SLC2A9: variants seen among roughly 807,000 people sequenced by gnomAD.
SLC2A9 encodes solute carrier family 2, facilitated glucose transporter member 9.
In SLC2A9, 39 loss-of-function variants were observed where a neutral mutation model predicts 50.6. The observed-to-expected ratio is 0.77, with a 90% CI of 0.60 to 1.01. The LOEUF (loss-of-function observed/expected upper bound fraction) is 1.01, where lower values mean the gene tolerates loss of function less well. SLC2A9 is among the 50% of genes least tolerant of loss of function. The probability of loss-of-function intolerance (pLI) is 0.00; values close to 1 mark genes in which losing one functional copy is unlikely to be tolerated. For synonymous variants in SLC2A9, 324 were observed against 276.9 expected (o/e 1.17, Z -1.69); for missense variants, 686 against 677.6 (o/e 1.01, Z -0.14).
chr4:9,823,449 G>GT (rs546355384), downstream of SLC2A9, among the ~76,000 whole-genome samples: 14 of 152,036 alleles, frequency 9.2e-5, no homozygotes, highest in Non-Finnish European at 1.6e-4. Flanking sequence ...TGTGTCACAT[G>GT]TATTTTATTT....
At chr4:9,796,676 G>A (rs1720632433), downstream of SLC2A9, among the ~76,000 whole-genome samples, 1 of 152,216 alleles carries the variant, frequency 6.6e-6, no homozygotes, top group South Asian at 2.1e-4. Context: ...TAGGTCAGCT[G>A]TGGTTCTACA....
At chr4:9,803,624 A>G (rs1204984137) in intron 3 of SLC2A9, among the ~76,000 whole-genome samples, 2 of 152,212 alleles carry the variant, frequency 1.3e-5, no homozygotes, top group Non-Finnish European at 2.9e-5. Flanking sequence ...CTATGGAGAC[A>G]TGCTCTATCA....
At position 9,920,448 on chromosome 4, in the gene SLC2A9, G is replaced by A. The variant is rs1473560270; in HGVS notation, c.939C>T (p.Val313=). ...SVLELLRAPY[V]RWQVVTVIVT... Reference sequence around the variant, plus strand: ...CAATCACGGTGACCACCTGCCAGCGGACGTAGGGAGCTCTCAGCAGCTCCA... The same window carrying A: ...CAATCACGGTGACCACCTGCCAGCGAACGTAGGGAGCTCTCAGCAGCTCCA... The change falls in exon 7 of 12, where the codon GTC becomes GTT. Residue 313 remains valine, a synonymous_variant. Transcript: ENST00000264784. 6.2e-7 allele frequency: 1 copy of A among 1,614,170 alleles called. No homozygotes were observed. The highest frequency in any genetic ancestry group is 8.5e-7 in the Non-Finnish European group (1 of 1,180,028).
At chr4:9,852,082 A>G (rs1192331591) in intron 10 of SLC2A9, among the ~76,000 whole-genome samples, 1 of 152,222 alleles carries the variant, frequency 6.6e-6, no homozygotes, top group Non-Finnish European at 1.5e-5. Context: ...TCCCCAAGAT[A>G]CATAGTCCGT....
At chr4:9,905,418 G>T (rs147700553) in intron 8 of SLC2A9, among the ~76,000 whole-genome samples, 1 of 152,204 alleles carries the variant, frequency 6.6e-6, no homozygotes, top group Non-Finnish European at 1.5e-5. Context: ...TAAATGGCGG[G>T]GTACCAACTG....
At chr4:9,988,279 A>G (rs1757090982) in intron 3 of SLC2A9, among the ~76,000 whole-genome samples, 2 of 152,250 alleles carry the variant, frequency 1.3e-5, no homozygotes, top group Non-Finnish European at 2.9e-5. Flanking sequence ...GGAGAGGCAT[A>G]GAGGAGCCAA....
chr4:9,808,849 T>G lies in SLC2A9; in HGVS notation n.421-9608A>C, dbSNP rs1037503400. The stretch of plus-strand genomic sequence containing the variant: ...TGGGGTCACAGCTGCCCTGCACAAC[T>G]CCAGGGGCACCATTCACACAAAAGA... On this transcript the variant is annotated intron_variant and non_coding_transcript_variant, in intron 3 of 3. Transcript: ENST00000503280. Among the ~76,000 whole-genome samples, 3 of 152,140 alleles carry G rather than the reference T, an allele frequency of 2.0e-5. No homozygotes were observed. In the East Asian group the frequency reaches 5.8e-4, roughly 29 times the overall value.
intron 1 of SLC2A9, among the ~76,000 whole-genome samples, chr4:10,039,314 G>T (rs1027754480): frequency 1.2e-4 from 19 of 152,234 alleles, no homozygotes; most frequent in African/African-American, 4.6e-4. Context: ...GAGGGCCAGT[G>T]CATGGAGGAG....
At chr4:9,915,772 T>A (rs1323802896) in intron 7 of SLC2A9, among the ~76,000 whole-genome samples, 1 of 152,236 alleles carries the variant, frequency 6.6e-6, no homozygotes, top group African/African-American at 2.4e-5. Context: ...AGCAAACTGC[T>A]GCAGTGAGAT....
intron 3 of SLC2A9, among the ~76,000 whole-genome samples, chr4:9,809,757 C>T (rs778547207): frequency 3.3e-5 from 5 of 151,994 alleles, no homozygotes; most frequent in Admixed American, 3.3e-4. Flanking sequence ...AGCAGAGTCC[C>T]GAATAAATTA....
chr4:9,790,388 C>A (rs1010258396), intron 3 of SLC2A9, among the ~76,000 whole-genome samples: 1 of 152,158 alleles, frequency 6.6e-6, no homozygotes, highest in South Asian at 2.1e-4. Flanking sequence ...ATGGAGGGGG[C>A]TCTATTTTTC....
chr4:9,775,162 T>C (rs1717384662), downstream of SLC2A9, among the ~76,000 whole-genome samples: 1 of 152,228 alleles, frequency 6.6e-6, no homozygotes, highest in Admixed American at 6.5e-5. Flanking sequence ...CAGCCATTGA[T>C]GCTGGTTGTT....
intron 8 of SLC2A9, among the ~76,000 whole-genome samples, chr4:9,901,714 C>A (rs1439983485): frequency 6.6e-6 from 1 of 152,150 alleles, no homozygotes; most frequent in South Asian, 2.1e-4. Flanking sequence ...GCAGCCACAT[C>A]CTTGCCCCTG....
At chr4:9,794,640 C>T (rs528197362), downstream of SLC2A9, among the ~76,000 whole-genome samples, 2 of 152,160 alleles carry the variant, frequency 1.3e-5, no homozygotes, top group African/African-American at 4.8e-5. Context: ...GTGGGGATGA[C>T]AGATTGCAAA....
intron 10 of SLC2A9, among the ~76,000 whole-genome samples, chr4:9,842,509 A>G (rs2109229203): frequency 6.6e-6 from 1 of 152,314 alleles, no homozygotes; most frequent in Middle Eastern, 3.4e-3. Context: ...ACAGATTCGG[A>G]AACTGAAATT....
intron 9 of SLC2A9, among the ~76,000 whole-genome samples, chr4:9,890,346 T>A (rs1366160137): frequency 6.6e-6 from 1 of 152,142 alleles, no homozygotes; most frequent in East Asian, 1.9e-4. Flanking sequence ...AGATGGAAAG[T>A]GTCTTGCCCA....
At chr4:10,014,665 T>C (rs1278287366) in intron 2 of SLC2A9, among the ~76,000 whole-genome samples, 4 of 152,180 alleles carry the variant, frequency 2.6e-5, no homozygotes, top group African/African-American at 9.7e-5. Flanking sequence ...TAGAATACAG[T>C]CCTTCAGCTG....
chr4:9,854,384 T>C (rs1015417218), intron 10 of SLC2A9, among the ~76,000 whole-genome samples: 3 of 152,038 alleles, frequency 2.0e-5, no homozygotes, highest in African/African-American at 7.2e-5. Context: ...CCTGGAAATA[T>C]ACAACCTCCC....
chr4:9,930,549 G>A (rs973966464), intron 6 of SLC2A9, among the ~76,000 whole-genome samples: 4 of 152,204 alleles, frequency 2.6e-5, no homozygotes, highest in East Asian at 1.9e-4. Flanking sequence ...GAAGGCTCAT[G>A]GCAGATGCTT....
Sources: gnomAD v4.1 joint callset for allele counts (sites outside exome capture counted in the v4.1 genomes callset) on GRCh38, gnomAD v4.1.1 for gene constraint, MANE v1.5 for transcripts, NCBI Gene and HGNC (gene_info 2026-07-23, HGNC 2026-07-21) for gene names.